The following TMOD2 variants were observed in gnomAD, a reference collection of about 807,000 sequenced individuals.
TMOD2 encodes the protein tropomodulin 2.
Under a neutral mutation model 39.9 loss-of-function variants are expected in TMOD2, and 22 were observed. The ratio of observed to expected loss-of-function variants is 0.55; its 90% confidence interval spans 0.39 to 0.79. The LOEUF (loss-of-function observed/expected upper bound fraction) is 0.79, where lower values mean the gene tolerates loss of function less well. Ranked by LOEUF, TMOD2 falls within the 30% of genes least tolerant of loss-of-function variation. TMOD2 has a pLI of 0.00. For synonymous variants in TMOD2, 123 were observed against 146.1 expected (o/e 0.84, Z 1.14); for missense variants, 386 against 413.3 (o/e 0.93, Z 0.57).
intron 8 of TMOD2, among the ~76,000 whole-genome samples, chr15:51,806,162 C>G (rs932210890): frequency 2.6e-5 from 4 of 152,186 alleles, no homozygotes; most frequent in African/African-American, 9.7e-5. Flanking sequence ...CACCAGCAAA[C>G]TCAGCTATCT....
At chr15:51,772,806 G>A (rs2055862121) in intron 3 of TMOD2, among the ~76,000 whole-genome samples, 1 of 152,132 alleles carries the variant, frequency 6.6e-6, no homozygotes, top group African/African-American at 2.4e-5. Context: ...CCAATTTAGA[G>A]GGAGCGCTCC....
intron 8 of TMOD2, among the ~76,000 whole-genome samples, chr15:51,799,955 T>C (rs2056077340): frequency 2.0e-5 from 3 of 152,186 alleles, no homozygotes. Context: ...TATCACACAC[T>C]CTGTCCCTAG....
intron 7 of TMOD2, chr15:51,784,815 G>C (rs563414725): frequency 2.9e-4 from 44 of 152,254 alleles, no homozygotes; most frequent in African/African-American, 1.1e-3. Flanking sequence ...TGAATAAAGG[G>C]ATAAAGAAAT....
chr15:51,777,086 G>A (rs756466366), intron 5 of TMOD2, 68 bp downstream of exon 5: 8 of 1,343,204 alleles, frequency 6.0e-6, no homozygotes, highest in Non-Finnish European at 7.4e-6. Context: ...TAGGAGAGAG[G>A]CCTGTTGAGT....
At chr15:51,778,967 AT>A (rs904342161) in intron 5 of TMOD2, among the ~76,000 whole-genome samples, 5 of 149,188 alleles carry the variant, frequency 3.4e-5, no homozygotes, top group Non-Finnish European at 3.0e-5. Context: ...TATTCCTTTT[AT>A]TTTTTTGAGA....
At chr15:51,782,437 TAA>T (rs1024764024) in intron 6 of TMOD2, among the ~76,000 whole-genome samples, 1 of 151,910 alleles carries the variant, frequency 6.6e-6, no homozygotes, top group Admixed American at 6.6e-5. Context: ...GAGTGAAAAA[TAA>T]AAAGAGGGAA....
At position 51,776,949 on chromosome 15, in the gene TMOD2, A is replaced by T; in HGVS notation, c.424A>T (p.Asn142Tyr). Residue 142 changes from asparagine to tyrosine, a missense_variant, in exon 5 of 10, where the codon AAT (asparagine) becomes TAT (tyrosine). Coordinates refer to ENST00000249700, the MANE Select transcript of TMOD2 (RefSeq NM_014548.4). Reference protein sequence around the residue: ...YDLAAVLGVHNLLNNPKFDEE... With the variant: ...YDLAAVLGVHYLLNNPKFDEE... ...GTTTTTAGCTGTCCTTGGAGTACACAATTTGCTCAACAATCCAAAGTTCGA... is the reference window on the plus strand; with the variant it reads ...GTTTTTAGCTGTCCTTGGAGTACACTATTTGCTCAACAATCCAAAGTTCGA... 6.2e-7 allele frequency: 1 copy of T among 1,613,940 alleles called. No individual in the cohort carries two copies. Among genetic ancestry groups the T allele is most frequent in the Non-Finnish European group, 8.5e-7 (1 of 1,179,858 alleles).
At chr15:51,770,699 G>A (rs1371589953) in intron 3 of TMOD2, among the ~76,000 whole-genome samples, 2 of 152,118 alleles carry the variant, frequency 1.3e-5, no homozygotes, top group African/African-American at 2.4e-5. Flanking sequence ...CAGCACTTTG[G>A]GAGGCTGAGG....
chr15:51,754,903 C>T (rs989232366), intron 1 of TMOD2, among the ~76,000 whole-genome samples: 27 of 152,182 alleles, frequency 1.8e-4, no homozygotes, highest in African/African-American at 5.3e-4. Flanking sequence ...TACATGGAAC[C>T]ACCTTTGAGA....
intron 4 of TMOD2, among the ~76,000 whole-genome samples, chr15:51,774,846 G>A (rs543117504): frequency 5.9e-5 from 9 of 152,006 alleles, no homozygotes; most frequent in Admixed American, 1.3e-4. Flanking sequence ...GAGAATGCAG[G>A]GCTGAACTTG....
intron 5 of TMOD2, among the ~76,000 whole-genome samples, chr15:51,778,695 C>T (rs2055908319): frequency 7.6e-6 from 1 of 130,878 alleles, no homozygotes; most frequent in Non-Finnish European, 1.6e-5. Context: ...TGCTCTGTCA[C>T]CCAGGCTGGA....
intron 8 of TMOD2, among the ~76,000 whole-genome samples, chr15:51,803,190 T>TTTTTTTTTG (rs1555463181): frequency 1.2e-4 from 18 of 148,850 alleles, no homozygotes; most frequent in East Asian, 7.9e-4. Context: ...TTTTTTTTTT[T>TTTTTTTTTG]TCTTTTTGAG....
At chr15:51,763,573 A>G (rs904636225) in intron 1 of TMOD2, among the ~76,000 whole-genome samples, 2 of 152,026 alleles carry the variant, frequency 1.3e-5, no homozygotes, top group African/African-American at 4.8e-5. Context: ...ACTTAAACTC[A>G]CTCTGTAATT....
At chr15:51,786,458 GC>G (rs2055970729) in intron 7 of TMOD2, among the ~76,000 whole-genome samples, 2 of 152,302 alleles carry the variant, frequency 1.3e-5, no homozygotes, top group Non-Finnish European at 1.5e-5. Context: ...AATCAGTGAA[GC>G]CCTGTGCAAT....
chr15:51,781,320 G>A, intron 6 of TMOD2, 146 bp downstream of exon 6: 1 of 680,494 alleles, frequency 1.5e-6, no homozygotes, highest in Non-Finnish European at 2.3e-6. Context: ...CAAAAGAAGT[G>A]GGTTTTGGAA....
chr15:51,762,693 C>G (rs1300385375), intron 1 of TMOD2, among the ~76,000 whole-genome samples: 3 of 152,156 alleles, frequency 2.0e-5, no homozygotes, highest in Non-Finnish European at 4.4e-5. Context: ...TGTCATTCCT[C>G]TCATCAGCCC....
chr15:51,761,595 A>G (rs867098911), intron 1 of TMOD2, among the ~76,000 whole-genome samples: 3 of 152,110 alleles, frequency 2.0e-5, no homozygotes, highest in Admixed American at 1.3e-4. Flanking sequence ...TTAGCTGGGC[A>G]TGGTGATACA....
chr15:51,760,268 G>A (rs1175061750), intron 1 of TMOD2, among the ~76,000 whole-genome samples: 1 of 152,146 alleles, frequency 6.6e-6, no homozygotes, highest in Non-Finnish European at 1.5e-5. Context: ...CATGTCACTG[G>A]GCTAAAATCA....
At chr15:51,771,629 C>T (rs1355116912) in intron 3 of TMOD2, among the ~76,000 whole-genome samples, 2 of 152,196 alleles carry the variant, frequency 1.3e-5, no homozygotes, top group Non-Finnish European at 2.9e-5. Flanking sequence ...TGCACCACTG[C>T]ACTCCAGCCT....
Sources: gnomAD v4.1 joint callset for allele counts (sites outside exome capture counted in the v4.1 genomes callset) on GRCh38, gnomAD v4.1.1 for gene constraint, MANE v1.5 for transcripts, NCBI Gene and HGNC (gene_info 2026-07-23, HGNC 2026-07-21) for gene names.